ITGB3: variants seen among roughly 807,000 people sequenced by gnomAD.
ITGB3 encodes integrin subunit beta 3.
Under a neutral mutation model 85.8 loss-of-function variants are expected in ITGB3, and 48 were observed. The observed-to-expected ratio is 0.56, with a 90% CI of 0.44 to 0.71. ITGB3 has a LOEUF of 0.71. Among genes scored for constraint, ITGB3 ranks in the 30% least tolerant of loss-of-function variants. The pLI is 0.00. For synonymous variants in ITGB3, 363 were observed against 395.6 expected (o/e 0.92, Z 0.98); for missense variants, 861 against 1,019.1 (o/e 0.84, Z 2.11).
At position 47,292,581 on chromosome 17, in the gene ITGB3, G is replaced by T. The variant is rs913964296; in HGVS notation, c.1690+13G>T. ...GAGATGTGCTCAGGTGAGGAGAACT[G>T]CAGGGCCCCCTGTCCTGGAACCCAC... is the stretch of plus-strand genomic sequence containing the variant. On this transcript the variant is annotated intron_variant, in intron 10 of 14. Coordinates refer to ENST00000559488, the MANE Select transcript of ITGB3 (RefSeq NM_000212.3). The T allele has an allele frequency of 6.3e-7, 1 of 1,599,754 alleles. No individual in the cohort carries two copies.
chr17:47,254,078 C>T (rs2064978388), intron 1 of ITGB3, 138 bp downstream of exon 1: 2 of 498,546 alleles, frequency 4.0e-6, no homozygotes, highest in African/African-American at 4.0e-5. Context: ...CTGGCTGGCG[C>T]GGTCGGAGCC....
chr17:47,291,246 T>C (rs1266632825), intron 9 of ITGB3, 158 bp downstream of exon 9: 11 of 778,400 alleles, frequency 1.4e-5, no homozygotes, highest in African/African-American at 8.6e-5. Flanking sequence ...TTAGATGTAA[T>C]GGATCCACCA....
At chr17:47,281,487 G>A (rs565847095) in intron 2 of ITGB3, among the ~76,000 whole-genome samples, 1 of 152,292 alleles carries the variant, frequency 6.6e-6, no homozygotes, top group East Asian at 1.9e-4. Flanking sequence ...ACGTATCTGA[G>A]GTCACATGAC....
rs934344909 is a variant in ITGB3, at chr17:47,299,365, A to G, written c.1748A>G (p.Tyr583Cys). The G allele has an allele frequency of 1.2e-6, 2 of 1,614,178 alleles. No individual in the cohort carries two copies. Among genetic ancestry groups the G allele is most frequent in the South Asian group, 2.2e-5 (2 of 91,084 alleles). The part of the protein sequence containing the change: ...CLCDSDWTGY[Y>C]CNCTTRTDTC... ...TGTGACTCCGACTGGACCGGCTACT[A>G]CTGCAACTGTACCACGCGTACTGAC... Residue 583 changes from tyrosine to cysteine, a missense_variant, in exon 11 of 15, where the codon TAC becomes TGC. Transcript: ENST00000559488. This position sits in a 1 kb window ranked among gnomAD's most constrained non-coding sequence, Gnocchi z 5.1.
At chr17:47,296,622 T>C (rs1408426737) in intron 10 of ITGB3, among the ~76,000 whole-genome samples, 1 of 152,190 alleles carries the variant, frequency 6.6e-6, no homozygotes, top group East Asian at 1.9e-4. Context: ...GGAGCTATTT[T>C]GTCTCCCAGG....
chr17:47,295,021 GT>G (rs2065140448), intron 10 of ITGB3, among the ~76,000 whole-genome samples: 1 of 152,196 alleles, frequency 6.6e-6, no homozygotes. Context: ...CCTCAAGGGA[GT>G]TTTCCACTTG....
At position 47,272,552 on chromosome 17, in the gene ITGB3, T is replaced by C. The variant is rs576616032; in HGVS notation, c.80-1867T>C. On this transcript the variant is annotated intron_variant, in intron 1 of 14. Transcript: ENST00000559488. The stretch of plus-strand genomic sequence containing the variant: ...TAATAGAAGCCAAATAATAGGTACA[T>C]ACTCTTAGAAAATCAGATAATCCCT... Among the ~76,000 whole-genome samples, 21 of 152,256 alleles carry C rather than the reference T, an allele frequency of 1.4e-4. No homozygotes were observed. In the South Asian group the frequency reaches 4.1e-3, roughly 30 times the overall value.
At chr17:47,304,042 A>C (rs80030727) in intron 13 of ITGB3, among the ~76,000 whole-genome samples, 6,412 of 151,918 alleles carry the variant, frequency 0.042, 199 homozygotes, top group Middle Eastern at 0.16. Context: ...ACACTACCAC[A>C]CCTGGCTACT....
chr17:47,284,461 C>G lies in ITGB3; in HGVS notation c.380C>G (p.Ser127Cys). 1 of 1,614,086 alleles carries G rather than the reference C, an allele frequency of 6.2e-7. No homozygotes were observed. Among genetic ancestry groups the G allele is most frequent in the Non-Finnish European group, 8.5e-7 (1 of 1,180,010 alleles). Residue 127 changes from serine (S) to cysteine (C), a missense_variant, in exon 4 of 15, where the codon TCC (serine) becomes TGC (cysteine). Ser to Cys is a moderately radical substitution (Grantham distance 112). Coordinates refer to ENST00000559488, the MANE Select transcript of ITGB3 (RefSeq NM_000212.3). ...RLRPDDSKNF[S>C]IQVRQVEDYP... ...CTTCCAGATGATTCGAAGAATTTCT[C>G]CATCCAAGTGCGGCAGGTGGAGGAT...
chr17:47,262,274 T>G (rs1232909820), intron 1 of ITGB3, among the ~76,000 whole-genome samples: 1 of 152,180 alleles, frequency 6.6e-6, no homozygotes, highest in African/African-American at 2.4e-5. Context: ...GCTGCAGAAC[T>G]GGACAGCAGG....
chr17:47,254,968 A>ATTAT (rs145396998), intron 1 of ITGB3, among the ~76,000 whole-genome samples: 166 of 151,388 alleles, frequency 1.1e-3, no homozygotes, highest in Non-Finnish European at 1.6e-3. Context: ...ATTTTATTTT[A>ATTAT]TTATTTATTT....
At chr17:47,287,839 G>C (rs2065108853) in intron 6 of ITGB3, among the ~76,000 whole-genome samples, 1 of 147,262 alleles carries the variant, frequency 6.8e-6, no homozygotes, top group African/African-American at 2.5e-5. Context: ...GAGCCCAGTA[G>C]TCTGAGGCTG....
Position 47,292,359 on chromosome 17 carries a change from G to A in ITGB3, c.1481G>A (p.Gly494Glu). The change falls in exon 10 of 15, where the codon GGA becomes GAA. Residue 494 changes from glycine (G) to glutamate (E), a missense_variant. Transcript: ENST00000559488. ...GVCRCGPGWL[G>E]SQCECSEEDY... is the part of the protein sequence containing the mutation. Reference sequence around the variant, plus strand: ...TGCCGTTGTGGGCCTGGCTGGCTGGGATCCCAGTGTGAGTGCTCAGAGGAG... The same window carrying A: ...TGCCGTTGTGGGCCTGGCTGGCTGGAATCCCAGTGTGAGTGCTCAGAGGAG... The A allele has an allele frequency of 2.5e-6, 4 of 1,614,230 alleles. No individual in the cohort carries two copies. Among genetic ancestry groups the A allele is most frequent in the Non-Finnish European group, 3.4e-6 (4 of 1,180,046 alleles).
rs1333125406 is a variant in ITGB3, at chr17:47,312,913, C to T, written c.*2709C>T. Among the ~76,000 whole-genome samples the T allele has an allele frequency of 6.6e-6, 1 of 152,156 alleles. No homozygotes were observed. Among genetic ancestry groups the T allele is most frequent in the Non-Finnish European group, 1.5e-5 (1 of 68,028 alleles). ...CAATAACGGAAAACTTTGAATATTC[C>T]TGACAAGTTGCCATATTAGGAGTCA... On this transcript the variant is annotated 3_prime_UTR_variant, in exon 15 of 15. Transcript: ENST00000559488.
At chr17:47,262,253 G>T (rs1331813234) in intron 1 of ITGB3, among the ~76,000 whole-genome samples, 1 of 152,208 alleles carries the variant, frequency 6.6e-6, no homozygotes, top group Non-Finnish European at 1.5e-5. Flanking sequence ...CACATGAGCT[G>T]GGGGAGGAAG....
At chr17:47,275,035 G>T (rs1282981168) in intron 2 of ITGB3, among the ~76,000 whole-genome samples, 1 of 152,144 alleles carries the variant, frequency 6.6e-6, no homozygotes, top group Admixed American at 6.6e-5. Context: ...GTACGGATGG[G>T]GTTGGGAGGG....
At chr17:47,274,828 G>T (rs12940207) in intron 2 of ITGB3, among the ~76,000 whole-genome samples, 14,883 of 152,012 alleles carry the variant, frequency 0.098, 977 homozygotes, top group East Asian at 0.23. Context: ...AAATTTTTTG[G>T]TAGAGACAGG....
chr17:47,263,262 C>G (rs1052695982), intron 1 of ITGB3, among the ~76,000 whole-genome samples: 1 of 152,126 alleles, frequency 6.6e-6, no homozygotes, highest in Non-Finnish European at 1.5e-5. Context: ...AGGACTCTGT[C>G]CCTGGAATGG....
chr17:47,273,132 T>C (rs962499619), intron 1 of ITGB3, among the ~76,000 whole-genome samples: 1 of 152,184 alleles, frequency 6.6e-6, no homozygotes, highest in Non-Finnish European at 1.5e-5. Context: ...TGAGTGTGTT[T>C]TTGTCCAGGT....
Sources: allele counts gnomAD v4.1 joint callset (sites outside exome capture counted in the v4.1 genomes callset), GRCh38; gene constraint gnomAD v4.1.1; non-coding constraint Gnocchi (gnomAD v3.1); transcripts MANE v1.5; gene names NCBI Gene and HGNC (gene_info 2026-07-23, HGNC 2026-07-21).